Variants in HECW1 observed in about 807,000 individuals in gnomAD.
HECW1 encodes HECT, C2 and WW domain containing E3 ubiquitin protein ligase 1.
In HECW1, 61 loss-of-function variants were observed where a neutral mutation model predicts 182.3. The ratio of observed to expected loss-of-function variants is 0.33; its 90% confidence interval spans 0.27 to 0.41. HECW1 has a LOEUF of 0.41. HECW1 is among the 10% of genes least tolerant of loss of function. The pLI is 1.00. For synonymous variants in HECW1, 859 were observed against 832.6 expected (o/e 1.03, Z -0.55); for missense variants, 1,739 against 2,108.9 (o/e 0.82, Z 3.44).
At chr7:43,263,386 A>C (rs1801397184) in intron 3 of HECW1, among the ~76,000 whole-genome samples, 1 of 152,122 alleles carries the variant, frequency 6.6e-6, no homozygotes, top group Admixed American at 6.6e-5. Context: ...TTTGAGATGG[A>C]GTCTCACTCT....
chr7:43,405,602 G>A (rs1464801107), intron 7 of HECW1, among the ~76,000 whole-genome samples: 1 of 152,108 alleles, frequency 6.6e-6, no homozygotes, highest in Admixed American at 6.5e-5. Flanking sequence ...GGGGGACAGT[G>A]GGGGTGGTGC....
chr7:43,504,415 C>T (rs192152651), intron 21 of HECW1, among the ~76,000 whole-genome samples: 117 of 152,324 alleles, frequency 7.7e-4, no homozygotes, highest in East Asian at 4.0e-3. Context: ...GACTTTTCTC[C>T]TTTCCTTTCT....
intron 2 of HECW1, among the ~76,000 whole-genome samples, chr7:43,162,178 G>A (rs1406053618): frequency 6.6e-6 from 1 of 152,244 alleles, no homozygotes; most frequent in African/African-American, 2.4e-5. Context: ...GAAAAAGAAA[G>A]CAAGATGATA....
In HECW1 at chr7:43,462,606, G is replaced by A. The variant is rs551515896; in HGVS notation, c.2652-1054G>A. On this transcript the variant is annotated intron_variant, in intron 13 of 29. Coordinates refer to ENST00000395891, the MANE Select transcript of HECW1 (RefSeq NM_015052.5). ...GCAGTCTGTGTTTTAAGTCCTGCGG[G>A]TGATTCTGCGTAGCTCAGGTTGGGG... 1.2e-4 allele frequency among the ~76,000 whole-genome samples: 18 copies of A among 152,298 alleles called. No individual in the cohort carries two copies. The East Asian group carries it at 2.9e-3, about 25-fold the overall frequency.
intron 6 of HECW1, among the ~76,000 whole-genome samples, chr7:43,389,429 A>G (rs1584736622): frequency 6.6e-6 from 1 of 152,310 alleles, no homozygotes; most frequent in East Asian, 1.9e-4. Context: ...ATGCCACTCA[A>G]TTATTTTTTA....
At chr7:43,470,741 T>TCACA (rs11472107) in intron 16 of HECW1, among the ~76,000 whole-genome samples, 9 of 151,824 alleles carry the variant, frequency 5.9e-5, no homozygotes, top group Non-Finnish European at 7.4e-5. Flanking sequence ...ACACACATGC[T>TCACA]CACACACACA....
chr7:43,442,699 A>T (rs2076926182), intron 10 of HECW1, 70 bp downstream of exon 10: 1 of 1,025,454 alleles, frequency 9.8e-7, no homozygotes, highest in Non-Finnish European at 1.5e-6. Context: ...TTTCTAAAAT[A>T]CAATAACTAT....
chr7:43,136,248 G>T (rs187274441), intron 2 of HECW1, among the ~76,000 whole-genome samples: 5 of 152,214 alleles, frequency 3.3e-5, no homozygotes, highest in Admixed American at 6.5e-5. Context: ...ATGCTTAGTT[G>T]GCACTTATCT....
chr7:43,135,311 G>A lies in HECW1; in HGVS notation c.-32+20920G>A, dbSNP rs73690257. On this transcript the variant is annotated intron_variant, in intron 2 of 29. Coordinates refer to ENST00000395891, the MANE Select transcript of HECW1 (RefSeq NM_015052.5). ...CTCTTTAAGGGGAGATGACTCATCT[G>A]ACATGCCTCATTCACCTCTTACTCT... Among the ~76,000 whole-genome samples the A allele has an allele frequency of 3.3e-3, 499 of 152,200 alleles. 6 individuals are homozygous for A. Among genetic ancestry groups the A allele is most frequent in the African/African-American group, 0.012 (488 of 41,528 alleles).
chr7:43,155,055 C>T (rs534963753), intron 2 of HECW1, among the ~76,000 whole-genome samples: 1 of 152,266 alleles, frequency 6.6e-6, no homozygotes, highest in East Asian at 1.9e-4. Flanking sequence ...GGGAGCCTGC[C>T]TTTTGCTTTC....
chr7:43,495,189 G>A (rs761384624), intron 19 of HECW1, among the ~76,000 whole-genome samples: 1 of 152,068 alleles, frequency 6.6e-6, no homozygotes, highest in Non-Finnish European at 1.5e-5. Context: ...AGGTATACAT[G>A]CACCATGGTG....
chr7:43,114,063 T>C, intron 1 of HECW1, 94 bp from the exon 2 acceptor site: 1 of 415,690 alleles, frequency 2.4e-6, no homozygotes, highest in Non-Finnish European at 4.4e-6. Flanking sequence ...CCGAAGAAGA[T>C]ATTATTTGAC....
Position 43,432,998 on chromosome 7 carries a change from C to G in HECW1, c.802-5005C>G, listed in dbSNP as rs999999212. Among the ~76,000 whole-genome samples, 1 of 152,144 alleles carries G rather than the reference C, an allele frequency of 6.6e-6. No homozygotes were observed. The highest frequency in any genetic ancestry group is 2.4e-5 in the African/African-American group (1 of 41,420). ...GCACCAGTGCTAATATCTCTCTGGA[C>G]GATTGAAGATGATAGGAGCACATCA... On this transcript the variant is annotated intron_variant, in intron 8 of 29. Transcript: ENST00000395891. This position sits in a 1 kb window ranked among gnomAD's most constrained non-coding sequence, Gnocchi z 4.1.
At chr7:43,524,213 G>A (rs981469957) in intron 24 of HECW1, among the ~76,000 whole-genome samples, 12 of 152,282 alleles carry the variant, frequency 7.9e-5, no homozygotes, top group East Asian at 3.9e-4. Context: ...TGTTAGCAGC[G>A]TCAAGAGTCT....
intron 2 of HECW1, among the ~76,000 whole-genome samples, chr7:43,197,874 G>C (rs781574698): frequency 1.3e-5 from 2 of 152,064 alleles, no homozygotes; most frequent in Non-Finnish European, 2.9e-5. Flanking sequence ...AGGGTTCCCA[G>C]TGAAGGCGTT....
Position 43,397,894 on chromosome 7 carries a change from G to A in HECW1, c.631+1005G>A, listed in dbSNP as rs555740065. Among the ~76,000 whole-genome samples, 16 of 152,298 alleles carry A rather than the reference G, an allele frequency of 1.1e-4. No individual in the cohort carries two copies. The South Asian group carries it at 3.3e-3, about 32-fold the overall frequency. On this transcript the variant is annotated intron_variant, in intron 7 of 29. Coordinates refer to ENST00000395891, the MANE Select transcript of HECW1 (RefSeq NM_015052.5). ...ATATGTTAATAATGGGACAAACTGG[G>A]CAAAGGTTATGTGGGAAATCTTTGT...
At chr7:43,466,022 GGGAAGGAAGGAA>G (rs139714300) in intron 14 of HECW1, among the ~76,000 whole-genome samples, 1 of 98,962 alleles carries the variant, frequency 1.0e-5, no homozygotes, top group Non-Finnish European at 2.0e-5. Flanking sequence ...GAGGGACAGA[GGGAAGGAAGGAA>G]GGAAGGAAGG....
intron 2 of HECW1, among the ~76,000 whole-genome samples, chr7:43,121,230 G>A (rs1472980842): frequency 1.3e-5 from 2 of 152,132 alleles, no homozygotes; most frequent in Admixed American, 1.3e-4. Context: ...CTCAATTATT[G>A]TTGAGTTGAA....
chr7:43,214,371 A>C (rs1365559419), intron 2 of HECW1, among the ~76,000 whole-genome samples: 3 of 152,192 alleles, frequency 2.0e-5, no homozygotes, highest in Non-Finnish European at 4.4e-5. Flanking sequence ...TAATATAAAT[A>C]TCATAATAAA....
Sources: gnomAD v4.1 joint callset for allele counts (sites outside exome capture counted in the v4.1 genomes callset) on GRCh38, gnomAD v4.1.1 for gene constraint, Gnocchi (gnomAD v3.1) non-coding constraint, MANE v1.5 for transcripts, NCBI Gene and HGNC (gene_info 2026-07-23, HGNC 2026-07-21) for gene names.